Variants in FLRT2 observed in about 807,000 individuals in gnomAD.
FLRT2 encodes leucine-rich repeat transmembrane protein FLRT2.
FLRT2 carries 15 observed loss-of-function variants against 40.0 expected under a neutral mutation model. That is an observed-to-expected ratio of 0.38 (90% confidence interval 0.25 to 0.58). The LOEUF (loss-of-function observed/expected upper bound fraction) is 0.58, where lower values mean the gene tolerates loss of function less well. Among genes scored for constraint, FLRT2 ranks in the 20% least tolerant of loss-of-function variants. FLRT2 has a pLI of 0.71. For synonymous variants in FLRT2, 380 were observed against 336.8 expected, an observed-to-expected ratio of 1.13 and a Z score of -1.41; for missense variants, 726 against 840.0, an observed-to-expected ratio of 0.86 and a Z score of 1.68.
intron 1 of FLRT2, among the ~76,000 whole-genome samples, chr14:85,563,814 A>G (rs185812027): frequency 6.6e-6 from 1 of 152,172 alleles, no homozygotes; most frequent in African/African-American, 2.4e-5. Flanking sequence ...AAACAAAAAA[A>G]TAGATAAAGT....
intron 1 of FLRT2, among the ~76,000 whole-genome samples, chr14:85,620,268 G>A (rs1298122244): frequency 6.6e-6 from 1 of 151,386 alleles, no homozygotes; most frequent in Non-Finnish European, 1.5e-5. Flanking sequence ...TTCTTTGAAT[G>A]ATTGTTTTAA....
At position 85,625,577 on chromosome 14, in the gene FLRT2, C is replaced by A. The variant is rs1893645665; in HGVS notation, c.*2080C>A. 6.0e-6 allele frequency: 1 copy of A among 166,942 alleles called. No homozygotes were observed. Among genetic ancestry groups the A allele is most frequent in the Non-Finnish European group, 1.5e-5 (1 of 68,100 alleles). The allele number at this position is 166,942 out of a possible 1,614,324, so 10.3% of individuals were successfully genotyped here. A position where few individuals can be genotyped will look rare whatever the true frequency, so the allele number is the denominator to read the frequency against. On this transcript the variant is annotated 3_prime_UTR_variant, in exon 2 of 2. Coordinates refer to ENST00000330753, the MANE Select transcript of FLRT2 (RefSeq NM_013231.6). ...ATTAATTCTAAAGTGACTCTGGTTT[C>A]CATTTTAGTCTATTAGCTAGAGGGT... is the stretch of plus-strand genomic sequence containing the variant.
intron 1 of FLRT2, among the ~76,000 whole-genome samples, chr14:85,582,908 T>C (rs1186331784): frequency 6.6e-6 from 1 of 151,450 alleles, no homozygotes; most frequent in East Asian, 1.9e-4. Flanking sequence ...ATATATATAG[T>C]TTTTACTATA....
At chr14:85,614,180 A>T (rs946700103) in intron 1 of FLRT2, among the ~76,000 whole-genome samples, 2 of 152,156 alleles carry the variant, frequency 1.3e-5, no homozygotes, top group African/African-American at 4.8e-5. Context: ...AGTGTGCCCA[A>T]GTTAACACAA....
At chr14:85,603,145 C>CA (rs1388363199) in intron 1 of FLRT2, among the ~76,000 whole-genome samples, 1 of 152,134 alleles carries the variant, frequency 6.6e-6, no homozygotes, top group Admixed American at 6.5e-5. Context: ...ATTGGGCTTT[C>CA]ATCCTTGCCG....
At chr14:85,589,204 G>A (rs1205825579) in intron 1 of FLRT2, among the ~76,000 whole-genome samples, 3 of 152,150 alleles carry the variant, frequency 2.0e-5, no homozygotes, top group African/African-American at 7.2e-5. Flanking sequence ...CTCCACAGTG[G>A]TTATGCTAAC....
chr14:85,639,764 A>G lies in FLRT2; in HGVS notation c.*16267A>G, dbSNP rs1463072521. The stretch of plus-strand genomic sequence containing the variant: ...AAGTGATGGAATGAGCTTTGAAAAC[A>G]CAGGGCTTAGGATTTCAAATCAGGC... On this transcript the variant is annotated 3_prime_UTR_variant, in exon 2 of 2. Transcript: ENST00000330753. 6.6e-6 allele frequency: 1 copy of G among 151,828 alleles called. No individual in the cohort carries two copies. The highest frequency in any genetic ancestry group is 1.5e-5 in the Non-Finnish European group (1 of 67,986). The allele number at this position is 151,828 out of a possible 1,614,324, so 9.4% of individuals were successfully genotyped here.
rs1894200243 is a variant in FLRT2, at chr14:85,643,303, C to CT, written c.*19809dup. On this transcript the variant is annotated 3_prime_UTR_variant, in exon 2 of 2. Coordinates refer to ENST00000330753, the MANE Select transcript of FLRT2 (RefSeq NM_013231.6). ...GGGTATTTCTTTTTTTTCTTTCTTT[C>CT]TTTCTTTCTTTCTTTCTTTCTTTCT... 1 of 92,306 alleles carries CT rather than the reference C, an allele frequency of 1.1e-5. No homozygotes were observed. The highest frequency in any genetic ancestry group is 3.6e-4 in the East Asian group (1 of 2,770). The allele number at this position is 92,306 out of a possible 1,614,324, so 5.7% of individuals were successfully genotyped here.
In FLRT2 at chr14:85,623,019, G is replaced by A. The variant is rs267604073; in HGVS notation, c.1505G>A (p.Arg502His). The A allele has an allele frequency of 1.9e-5, 31 of 1,614,050 alleles. No homozygotes were observed. Among genetic ancestry groups the A allele is most frequent in the South Asian group, 5.5e-5 (5 of 91,088 alleles). ...CLVPLDAFNY[R>H]AVEDTICSEA... Reference sequence around the variant, plus strand: ...GTGCCACTGGATGCTTTTAACTACCGCGCGGTAGAAGACACCATTTGTTCA... The same window carrying A: ...GTGCCACTGGATGCTTTTAACTACCACGCGGTAGAAGACACCATTTGTTCA... Residue 502 changes from arginine to histidine, a missense_variant, in exon 2 of 2, where the codon CGC (arginine) becomes CAC (histidine). This residue lies in a region of FLRT2 where 611 missense variants were observed against 690.0 expected (regional missense o/e 0.89). Transcript: ENST00000330753.
In FLRT2 at chr14:85,654,087, A is replaced by G. The variant is rs1306186107; in HGVS notation, c.*30590A>G. The G allele has an allele frequency of 3.3e-5, 5 of 152,176 alleles. No individual in the cohort carries two copies. The highest frequency in any genetic ancestry group is 6.5e-5 in the Admixed American group (1 of 15,276). 9.4% of individuals were successfully genotyped at this position (152,176 alleles called of 1,614,324 possible). ...GATTTCACTTAAGGCAAGGCATATT[A>G]AAATACAAATTCGTAAAGATAATAC... On this transcript the variant is annotated 3_prime_UTR_variant, in exon 2 of 2. Coordinates refer to ENST00000330753, the MANE Select transcript of FLRT2 (RefSeq NM_013231.6).
intron 1 of FLRT2, among the ~76,000 whole-genome samples, chr14:85,590,918 T>A (rs1053181398): frequency 4.6e-5 from 7 of 152,154 alleles, no homozygotes; most frequent in African/African-American, 1.7e-4. Flanking sequence ...CTCTCTTTCC[T>A]AATTGTGTGC....
At position 85,635,007 on chromosome 14, in the gene FLRT2, T is replaced by C. The variant is rs1390415842; in HGVS notation, c.*11510T>C. 2.6e-5 allele frequency: 4 copies of C among 152,196 alleles called. No individual in the cohort carries two copies. Among genetic ancestry groups the C allele is most frequent in the Non-Finnish European group, 5.9e-5 (4 of 68,018 alleles). The allele number at this position is 152,196 out of a possible 1,614,324, so 9.4% of individuals were successfully genotyped here. On this transcript the variant is annotated 3_prime_UTR_variant, in exon 2 of 2. Coordinates refer to ENST00000330753, the MANE Select transcript of FLRT2 (RefSeq NM_013231.6). Reference sequence around the variant, plus strand: ...ATTTGTGTTCTGTGTGCTTTTAAAATTCAGGAAGATGTGACTAGGATAGAT... The same window carrying C: ...ATTTGTGTTCTGTGTGCTTTTAAAACTCAGGAAGATGTGACTAGGATAGAT...
chr14:85,601,173 T>TGTAG (rs1395314229), intron 1 of FLRT2, among the ~76,000 whole-genome samples: 4 of 151,890 alleles, frequency 2.6e-5, no homozygotes, highest in Non-Finnish European at 4.4e-5. Flanking sequence ...CTGTAGGTAG[T>TGTAG]GTAGGATGAG....
intron 1 of FLRT2, among the ~76,000 whole-genome samples, chr14:85,539,925 A>G (rs967717403): frequency 6.6e-6 from 1 of 152,192 alleles, no homozygotes; most frequent in Non-Finnish European, 1.5e-5. Flanking sequence ...TCTTCCATTC[A>G]GTTAATAATG....
rs1290273919 is a variant in FLRT2, at chr14:85,647,647, A to G, written c.*24150A>G. 1 of 128,656 alleles carries G rather than the reference A, an allele frequency of 7.8e-6. No homozygotes were observed. The highest frequency in any genetic ancestry group is 1.6e-5 in the Non-Finnish European group (1 of 61,892). 8.0% of individuals were successfully genotyped at this position (128,656 alleles called of 1,614,324 possible). On this transcript the variant is annotated 3_prime_UTR_variant, in exon 2 of 2. Coordinates refer to ENST00000330753, the MANE Select transcript of FLRT2 (RefSeq NM_013231.6). ...ACTGGAACAATTGGTCCTGATTATT[A>G]AGGAGAGTAAGTTTTTCCTACAAAG... is the stretch of plus-strand genomic sequence containing the variant.
At chr14:85,619,356 A>T (rs937851611) in intron 1 of FLRT2, among the ~76,000 whole-genome samples, 2 of 152,096 alleles carry the variant, frequency 1.3e-5, no homozygotes, top group Non-Finnish European at 2.9e-5. Flanking sequence ...AAGTGCTGAG[A>T]TTACAGGTGT....
At position 85,628,487 on chromosome 14, in the gene FLRT2, C is replaced by A. The variant is rs980791455; in HGVS notation, c.*4990C>A. On this transcript the variant is annotated 3_prime_UTR_variant, in exon 2 of 2. Coordinates refer to ENST00000330753, the MANE Select transcript of FLRT2 (RefSeq NM_013231.6). ...GATTTCTTTAAGAATTCTCATAGTA[C>A]TTTTCTGCCGCAGAATTTATAGCAC... The A allele has an allele frequency of 5.3e-5, 8 of 152,130 alleles. No individual in the cohort carries two copies. The highest frequency in any genetic ancestry group is 7.3e-5 in the Non-Finnish European group (5 of 68,048). 9.4% of individuals were successfully genotyped at this position (152,130 alleles called of 1,614,324 possible). A position where few individuals can be genotyped will look rare whatever the true frequency, so the allele number is the denominator to read the frequency against.
rs1893588683 is a variant in FLRT2, at chr14:85,624,600, T to G, written c.*1103T>G. The stretch of plus-strand genomic sequence containing the variant: ...TTGTTAGTATCATGTTGAAATAGCT[T>G]GAAGTAATATCTTTTATCCCCTTGC... On this transcript the variant is annotated 3_prime_UTR_variant, in exon 2 of 2. Coordinates refer to ENST00000330753, the MANE Select transcript of FLRT2 (RefSeq NM_013231.6). The G allele has an allele frequency of 6.0e-6, 1 of 166,976 alleles. No individual in the cohort carries two copies. The highest frequency in any genetic ancestry group is 1.5e-5 in the Non-Finnish European group (1 of 68,126). 10.3% of individuals were successfully genotyped at this position (166,976 alleles called of 1,614,324 possible).
chr14:85,551,262 G>A (rs938721317), intron 1 of FLRT2, among the ~76,000 whole-genome samples: 4 of 152,098 alleles, frequency 2.6e-5, no homozygotes, highest in Admixed American at 6.5e-5. Flanking sequence ...TGTTGATGGA[G>A]GAGCAGTGAT....
Sources: gnomAD v4.1 joint callset for allele counts (sites outside exome capture counted in the v4.1 genomes callset) on GRCh38, gnomAD v4.1.1 for gene constraint, gnomAD v4.1.1 regional missense constraint, MANE v1.5 for transcripts, NCBI Gene and HGNC (gene_info 2026-07-23, HGNC 2026-07-21) for gene names.